Variants in TEAD2 observed in about 807,000 individuals in gnomAD.
The protein encoded by TEAD2 is TEA domain transcription factor 2.
In TEAD2, 51 loss-of-function variants were observed where a neutral mutation model predicts 61.4. The observed-to-expected ratio is 0.83, with a 90% CI of 0.66 to 1.05. TEAD2 has a LOEUF of 1.05. TEAD2 is among the 50% of genes least tolerant of loss of function. The probability of loss-of-function intolerance (pLI) is 0.00; values close to 1 mark genes in which losing one functional copy is unlikely to be tolerated. For synonymous variants in TEAD2, 244 were observed against 243.2 expected, an observed-to-expected ratio of 1.00 and a Z score of -0.03; for missense variants, 509 against 600.0, an observed-to-expected ratio of 0.85 and a Z score of 1.58.
At chr19:49,343,661 C>A (rs991014635) in intron 10 of TEAD2, among the ~76,000 whole-genome samples, 8 of 151,674 alleles carry the variant, frequency 5.3e-5, no homozygotes, top group South Asian at 2.1e-4. Flanking sequence ...TCACTTGAAC[C>A]CGGGAGGCAG....
intron 1 of TEAD2, among the ~76,000 whole-genome samples, chr19:49,360,794 C>A (rs112770107): frequency 2.0e-5 from 1 of 49,378 alleles, no homozygotes; most frequent in East Asian, 5.8e-4. Context: ...GGACAGAGAC[C>A]AGCAAGGGGG....
intron 1 of TEAD2, 150 bp from the exon 2 acceptor site, chr19:49,360,231 G>T (rs966793787): frequency 1.5e-6 from 1 of 648,100 alleles, no homozygotes; most frequent in Non-Finnish European, 2.6e-6. Context: ...GAGCTGGGGG[G>T]TATTCCTGGG....
Position 49,351,385 on chromosome 19 carries a change from AG to A in TEAD2, c.540-21del, listed in dbSNP as rs1002311434. The A allele has an allele frequency of 6.2e-7, 1 of 1,602,534 alleles. No individual in the cohort carries two copies. Among genetic ancestry groups the A allele is most frequent in the Non-Finnish European group, 8.5e-7 (1 of 1,175,350 alleles). On this transcript the variant is annotated intron_variant, in intron 7 of 12. Coordinates refer to ENST00000593945, the MANE Select transcript of TEAD2 (RefSeq NM_001256660.2). ...TTCACACTGAGGGAAAAAGGAAGCC[AG>A]GGGTTAGCCAGGTAGAAAGATGCTA...
In TEAD2 at chr19:49,341,515, A is replaced by G. The variant is rs1488566859; in HGVS notation, c.1243-78T>C. 3 of 1,145,632 alleles carry G rather than the reference A, an allele frequency of 2.6e-6. No individual in the cohort carries two copies. Among genetic ancestry groups the G allele is most frequent in the East Asian group, 2.4e-5 (1 of 40,930 alleles). The allele number at this position is 1,145,632 out of a possible 1,614,324, so 71.0% of individuals were successfully genotyped here. On this transcript the variant is annotated intron_variant, in intron 12 of 12. Coordinates refer to ENST00000593945, the MANE Select transcript of TEAD2 (RefSeq NM_001256660.2). The surrounding 1 kb of genome is among the most constrained non-coding windows in gnomAD (Gnocchi z 4.2). ...CCCTGTGCCCCCCTGCCAAGCTATC[A>G]TGGAATACCCAGCAGGCTCTTTTCC...
rs1398996539 is a variant in TEAD2 at position 49,355,223 on chromosome 19, G to T, written c.481-17C>A. On this transcript the variant is annotated splice_polypyrimidine_tract_variant and intron_variant, in intron 6 of 12. Coordinates refer to ENST00000593945, the MANE Select transcript of TEAD2 (RefSeq NM_001256660.2). ...CTCAGAGGCCTGGATAGGACACAAAGAAAAATGGTTGGTCAGTCCCCTGTG... is the reference window on the plus strand; with the variant it reads ...CTCAGAGGCCTGGATAGGACACAAATAAAAATGGTTGGTCAGTCCCCTGTG... 2 of 1,613,626 alleles carry T rather than the reference G, an allele frequency of 1.2e-6. No individual in the cohort carries two copies. Among genetic ancestry groups the T allele is most frequent in the Admixed American group, 3.3e-5 (2 of 59,960 alleles).
chr19:49,360,188 TG>T (rs1972739069), intron 1 of TEAD2, 107 bp from the exon 2 acceptor site: 2 of 862,566 alleles, frequency 2.3e-6, no homozygotes, highest in Non-Finnish European at 1.8e-6. Flanking sequence ...GAGGAGGGGC[TG>T]GGGACCTGGA....
intron 1 of TEAD2, among the ~76,000 whole-genome samples, chr19:49,360,863 C>G (rs1336877364): frequency 1.7e-5 from 2 of 114,390 alleles, no homozygotes; most frequent in East Asian, 5.1e-4. Flanking sequence ...GGGACAGAGA[C>G]CAGTGAGGTG....
rs1421952980 is a variant in TEAD2 at position 49,359,335 on chromosome 19, A to T, written c.297+100T>A. The T allele has an allele frequency of 1.6e-5, 16 of 1,030,808 alleles. No homozygotes were observed. The highest frequency in any genetic ancestry group is 2.3e-5 in the Non-Finnish European group (15 of 660,366). The allele number at this position is 1,030,808 out of a possible 1,614,324, so 63.9% of individuals were successfully genotyped here. On this transcript the variant is annotated intron_variant, in intron 3 of 12. Transcript: ENST00000593945. This position sits in a 1 kb window ranked among gnomAD's most constrained non-coding sequence, Gnocchi z 4.1. ...ATGCCGAGAAGACAGATGAACGCACAGGAAGCAGCTTCTTCCTTGAACCTG... is the reference window on the plus strand; with the variant it reads ...ATGCCGAGAAGACAGATGAACGCACTGGAAGCAGCTTCTTCCTTGAACCTG...
At chr19:49,353,393 C>T (rs927234996) in intron 7 of TEAD2, among the ~76,000 whole-genome samples, 18 of 151,530 alleles carry the variant, frequency 1.2e-4, no homozygotes, top group Non-Finnish European at 2.2e-4. Context: ...GCCACCATGC[C>T]GGGCCTCCCA....
rs1158127619 is a variant in TEAD2, at chr19:49,341,346, ATG to A, written c.1332_1333del (p.Ile445LeufsTer40). On this transcript the variant is annotated frameshift_variant, in exon 13 of 13. Coordinates refer to ENST00000593945, the MANE Select transcript of TEAD2 (RefSeq NM_001256660.2). LOFTEE classifies it high-confidence loss of function. This position sits in a 1 kb window ranked among gnomAD's most constrained non-coding sequence, Gnocchi z 4.2. Reference sequence around the variant, plus strand: ...CCTTCAGTCCCTGACCAGGCGGTAAATGTGATGCTGGGCCCCACGCTCGCTGG... The same window carrying A: ...CCTTCAGTCCCTGACCAGGCGGTAAATGATGCTGGGCCCCACGCTCGCTGG... 6.2e-7 allele frequency: 1 copy of A among 1,613,788 alleles called. No homozygotes were observed. Among genetic ancestry groups the A allele is most frequent in the Non-Finnish European group, 8.5e-7 (1 of 1,179,934 alleles).
chr19:49,357,674 T>C (rs1441097570), intron 3 of TEAD2: 3 of 324,156 alleles, frequency 9.3e-6, no homozygotes, highest in Non-Finnish European at 1.8e-5. Flanking sequence ...AAATTTCATA[T>C]TGAAATGCCA....
intron 1 of TEAD2, 181 bp from the exon 2 acceptor site, chr19:49,360,262 G>C (rs1972749074): frequency 1.6e-6 from 1 of 607,836 alleles, no homozygotes; most frequent in Admixed American, 3.0e-5. Context: ...GAGGATCTGG[G>C]GCCTGAACTC....
rs537690722 is a variant in TEAD2 at position 49,341,292 on chromosome 19, T to G, written c.*32A>C. 63 of 1,585,592 alleles carry G rather than the reference T, an allele frequency of 4.0e-5. No individual in the cohort carries two copies. In the South Asian group the frequency reaches 5.7e-4, roughly 14 times the overall value. On this transcript the variant is annotated 3_prime_UTR_variant, in exon 13 of 13. Coordinates refer to ENST00000593945, the MANE Select transcript of TEAD2 (RefSeq NM_001256660.2). This position sits in a 1 kb window ranked among gnomAD's most constrained non-coding sequence, Gnocchi z 4.2. Reference sequence around the variant, plus strand: ...AGGACCCTCCCTGGGAGGAGGGTGTTCTGGGGGGTGAGCCAGTTTTGGGGT... The same window carrying G: ...AGGACCCTCCCTGGGAGGAGGGTGTGCTGGGGGGTGAGCCAGTTTTGGGGT...
In TEAD2 at chr19:49,341,206, C is replaced by T; in HGVS notation, c.*118G>A. Reference sequence around the variant, plus strand: ...GGGATGGCCCCAGTTGCTTAGGCCTCTGAGGTCAACCCCTTTACATCACAG... The same window carrying T: ...GGGATGGCCCCAGTTGCTTAGGCCTTTGAGGTCAACCCCTTTACATCACAG... On this transcript the variant is annotated 3_prime_UTR_variant, in exon 13 of 13. Transcript: ENST00000593945. This position sits in a 1 kb window ranked among gnomAD's most constrained non-coding sequence, Gnocchi z 4.2. The T allele has an allele frequency of 1.1e-6, 1 of 915,444 alleles. No homozygotes were observed. The highest frequency in any genetic ancestry group is 2.5e-5 in the East Asian group (1 of 39,678). The allele number at this position is 915,444 out of a possible 1,614,324, so 56.7% of individuals were successfully genotyped here.
intron 10 of TEAD2, among the ~76,000 whole-genome samples, chr19:49,344,465 G>C (rs1430815319): frequency 6.6e-6 from 1 of 151,902 alleles, no homozygotes; most frequent in East Asian, 1.9e-4. Context: ...ATTTTTAGTA[G>C]AGACAGGGTT....
In TEAD2 at chr19:49,341,918, C is replaced by A. The variant is rs987886911; in HGVS notation, c.1243-481G>T. Reference sequence around the variant, plus strand: ...TATGTGCGAGTGCTGTGGGGCTGGGCGTGGTGGCTCACACCTGTAATCCCA... The same window carrying A: ...TATGTGCGAGTGCTGTGGGGCTGGGAGTGGTGGCTCACACCTGTAATCCCA... On this transcript the variant is annotated intron_variant, in intron 12 of 12. Transcript: ENST00000593945. This position sits in a 1 kb window ranked among gnomAD's most constrained non-coding sequence, Gnocchi z 4.2. Among the ~76,000 whole-genome samples, 5 of 152,066 alleles carry A rather than the reference C, an allele frequency of 3.3e-5. No individual in the cohort carries two copies. Among genetic ancestry groups the A allele is most frequent in the African/African-American group, 1.2e-4 (5 of 41,412 alleles).
In TEAD2 at chr19:49,351,365, A is replaced by G; in HGVS notation, c.540T>C (p.Asp180=). ...GGSGPPWNVP[D]VKPFSQTPFT... is the part of the protein sequence containing the mutation. ...ACGGTGTCTGTGAGAATGGCTTCAC[A>G]CTGAGGGAAAAAGGAAGCCAGGGGT... is the stretch of plus-strand genomic sequence containing the variant. The change falls in exon 8 of 13, where the codon GAT becomes GAC. Residue 180 remains aspartate, a splice_region_variant and synonymous_variant. Transcript: ENST00000593945. 2 of 1,609,964 alleles carry G rather than the reference A, an allele frequency of 1.2e-6. No individual in the cohort carries two copies. Among genetic ancestry groups the G allele is most frequent in the Non-Finnish European group, 1.7e-6 (2 of 1,178,576 alleles).
chr19:49,359,183 A>T lies in TEAD2; in HGVS notation c.297+252T>A. ...AACCCGGGAGGCAGAGGTTGCAGTG[A>T]GCCAAGATCGCGCCACTGCACTCCG... On this transcript the variant is annotated intron_variant, in intron 3 of 12. Transcript: ENST00000593945. The surrounding 1 kb of genome is among the most constrained non-coding windows in gnomAD (Gnocchi z 4.1). 2.3e-6 allele frequency: 1 copy of T among 431,234 alleles called. No homozygotes were observed. Among genetic ancestry groups the T allele is most frequent in the Non-Finnish European group, 4.3e-6 (1 of 234,578 alleles). 26.7% of individuals were successfully genotyped at this position (431,234 alleles called of 1,614,324 possible).
intron 10 of TEAD2, 109 bp downstream of exon 10, chr19:49,347,081 G>A: frequency 2.1e-6 from 3 of 1,428,770 alleles, no homozygotes; most frequent in Non-Finnish European, 2.9e-6. Flanking sequence ...TGACTGGTAA[G>A]TCCCAGGCTG....
Sources: gnomAD v4.1 joint callset for allele counts (sites outside exome capture counted in the v4.1 genomes callset) on GRCh38, gnomAD v4.1.1 for gene constraint, Gnocchi (gnomAD v3.1) non-coding constraint, MANE v1.5 for transcripts, NCBI Gene and HGNC (gene_info 2026-07-23, HGNC 2026-07-21) for gene names.